Variants in PLCB4 observed in about 807,000 individuals in gnomAD.
The protein encoded by PLCB4 is 1-phosphatidylinositol 4,5-bisphosphate phosphodiesterase beta-4.
Under a neutral mutation model 178.8 loss-of-function variants are expected in PLCB4, and 77 were observed. The ratio of observed to expected loss-of-function variants is 0.43; its 90% CI spans 0.36 to 0.52. The LOEUF is 0.52. Among genes scored for constraint, PLCB4 ranks in the 20% least tolerant of loss-of-function variants. The pLI is 0.00. For synonymous variants in PLCB4, 496 were observed against 490.8 expected (o/e 1.01, Z -0.14); for missense variants, 1,024 against 1,453.4 (o/e 0.70, Z 4.80).
At chr20:9,288,588 G>A (rs755993766) in intron 3 of PLCB4, among the ~76,000 whole-genome samples, 1 of 151,924 alleles carries the variant, frequency 6.6e-6, no homozygotes, top group Non-Finnish European at 1.5e-5. Context: ...CTGAAAACGA[G>A]GGAGTGGAGT....
At chr20:9,413,213 C>G (rs571971877) in intron 25 of PLCB4, among the ~76,000 whole-genome samples, 1 of 152,140 alleles carries the variant, frequency 6.6e-6, no homozygotes, top group Non-Finnish European at 1.5e-5. Context: ...GAAGCACTTT[C>G]CTTGCCCACC....
intron 4 of PLCB4, among the ~76,000 whole-genome samples, chr20:9,313,770 G>A (rs889569774): frequency 3.9e-5 from 6 of 152,140 alleles, no homozygotes; most frequent in Admixed American, 1.3e-4. Flanking sequence ...TGTACTCACC[G>A]CTATACCACC....
intron 28 of PLCB4, among the ~76,000 whole-genome samples, chr20:9,429,435 C>T (rs115073956): frequency 0.012 from 1,780 of 152,228 alleles, 27 homozygotes; most frequent in African/African-American, 0.041. Context: ...GAAGGAAGCC[C>T]AGTGAAATGT....
intron 1 of PLCB4, among the ~76,000 whole-genome samples, chr20:9,095,279 C>T (rs945184001): frequency 2.2e-4 from 34 of 152,198 alleles, no homozygotes; most frequent in Admixed American, 1.1e-3. Flanking sequence ...GAGAGGGACT[C>T]CTCTGGACTG....
At position 9,411,044 on chromosome 20, in the gene PLCB4, G is replaced by C. The variant is rs745776709; in HGVS notation, c.2007G>C (p.Ala669=). The C allele has an allele frequency of 2.7e-5, 43 of 1,610,132 alleles. No individual in the cohort carries two copies. The highest frequency in any genetic ancestry group is 3.6e-5 in the Non-Finnish European group (42 of 1,176,658). Residue 669 remains alanine (A), a synonymous_variant, in exon 25 of 40, where the codon GCG becomes GCC. Coordinates refer to ENST00000378473, the MANE Select transcript of PLCB4 (RefSeq NM_001377142.1). The part of the protein sequence containing the change: ...VSLNYQTPDL[A]MQLNQGKFEY... ...ATTTTTGTCTCTTGACAGATTTAGCGATGCAATTGAATCAGGGAAAATTTG... is the reference window on the plus strand; with the variant it reads ...ATTTTTGTCTCTTGACAGATTTAGCCATGCAATTGAATCAGGGAAAATTTG...
chr20:9,286,122 T>C (rs973084307), intron 3 of PLCB4, among the ~76,000 whole-genome samples: 3 of 152,006 alleles, frequency 2.0e-5, no homozygotes, highest in African/African-American at 7.2e-5. Context: ...CTCATGAAAA[T>C]GTGAGTTATC....
At chr20:9,319,870 A>G (rs1373736582) in intron 4 of PLCB4, among the ~76,000 whole-genome samples, 2 of 152,182 alleles carry the variant, frequency 1.3e-5, no homozygotes, top group Non-Finnish European at 2.9e-5. Context: ...GTTGACATAT[A>G]AAATTAATCA....
intron 3 of PLCB4, 136 bp from the exon 4 acceptor site, chr20:9,307,660 TCAGA>T (rs1033408314): frequency 5.9e-6 from 3 of 508,610 alleles, no homozygotes; most frequent in Admixed American, 3.6e-5. Context: ...AAGTTGGGGG[TCAGA>T]CAAAGGGAAG....
chr20:9,309,912 G>C (rs576688180), intron 4 of PLCB4, among the ~76,000 whole-genome samples: 3 of 152,032 alleles, frequency 2.0e-5, no homozygotes, highest in African/African-American at 7.2e-5. Context: ...CTACAAACTA[G>C]GCAAAGTTAG....
chr20:9,203,777 GTTTTTTTTTTTTT>G (rs553691545), intron 2 of PLCB4, among the ~76,000 whole-genome samples: 16 of 101,706 alleles, frequency 1.6e-4, no homozygotes, highest in Admixed American at 3.4e-4. Flanking sequence ...TGGGAATAGT[GTTTTTTTTTTTTT>G]TTTTTTTTTT....
At chr20:9,161,029 A>T (rs956129152) in intron 2 of PLCB4, among the ~76,000 whole-genome samples, 18 of 152,224 alleles carry the variant, frequency 1.2e-4, no homozygotes, top group Admixed American at 3.3e-4. Context: ...AAGGCAGCTG[A>T]CATCTCAGCA....
chr20:9,475,898 A>G (rs2044509427), intron 38 of PLCB4, among the ~76,000 whole-genome samples: 1 of 152,232 alleles, frequency 6.6e-6, no homozygotes, highest in African/African-American at 2.4e-5. Flanking sequence ...CATCAGCAAG[A>G]ACAGTTCTTT....
chr20:9,182,574 T>C (rs1032099824), intron 2 of PLCB4, among the ~76,000 whole-genome samples: 7 of 152,122 alleles, frequency 4.6e-5, no homozygotes, highest in Non-Finnish European at 2.9e-5. Context: ...CCTCAACAAA[T>C]AGCAGGGCTG....
intron 2 of PLCB4, among the ~76,000 whole-genome samples, chr20:9,212,646 A>G (rs1205037557): frequency 3.3e-5 from 5 of 152,160 alleles, no homozygotes; most frequent in Non-Finnish European, 7.4e-5. Flanking sequence ...TTCCATATGT[A>G]TGCTTTTCTT....
chr20:9,392,763 T>A (rs1365947240), intron 17 of PLCB4, among the ~76,000 whole-genome samples: 1 of 152,150 alleles, frequency 6.6e-6, no homozygotes. Context: ...AATGGGCCAG[T>A]TATACCACGC....
chr20:9,459,831 A>G (rs1169637138), intron 35 of PLCB4, 21 bp downstream of exon 35: 4 of 1,547,610 alleles, frequency 2.6e-6, no homozygotes, highest in East Asian at 4.6e-5. Context: ...TGCCGTCTCC[A>G]GAGTAAACAT....
At chr20:9,424,232 AGG>A (rs371876900) in intron 28 of PLCB4, among the ~76,000 whole-genome samples, 38 of 152,318 alleles carry the variant, frequency 2.5e-4, no homozygotes, top group African/African-American at 9.1e-4. Flanking sequence ...CATTTTGTGA[AGG>A]GTATATTTAT....
At chr20:9,203,329 T>G (rs1836484303) in intron 2 of PLCB4, among the ~76,000 whole-genome samples, 1 of 152,084 alleles carries the variant, frequency 6.6e-6, no homozygotes. Context: ...CCTGCTTCTA[T>G]ACAGCTGTCT....
intron 3 of PLCB4, among the ~76,000 whole-genome samples, chr20:9,257,591 C>T (rs990896075): frequency 6.6e-6 from 1 of 152,090 alleles, no homozygotes; most frequent in African/African-American, 2.4e-5. Context: ...ATGACAGGCT[C>T]ATCAAAAACT....
Sources: gnomAD v4.1 joint callset for allele counts (sites outside exome capture counted in the v4.1 genomes callset) on GRCh38, gnomAD v4.1.1 for gene constraint, MANE v1.5 for transcripts, NCBI Gene and HGNC (gene_info 2026-07-23, HGNC 2026-07-21) for gene names.